Variants in MARCO observed in about 807,000 individuals in gnomAD.
The protein encoded by MARCO is macrophage receptor MARCO.
MARCO carries 72 observed loss-of-function variants against 70.0 expected under a neutral mutation model. That is an observed-to-expected ratio of 1.03 (90% CI 0.85 to 1.25). The LOEUF (loss-of-function observed/expected upper bound fraction) is 1.25. Ranked by LOEUF, MARCO falls within the 50% of genes most tolerant of loss-of-function variation. The probability of loss-of-function intolerance (pLI) is 0.00; values close to 1 mark genes in which losing one functional copy is unlikely to be tolerated. For missense variants in MARCO, 696 were observed against 659.3 expected, an observed-to-expected ratio of 1.06 and a Z score of -0.61; for synonymous variants, 273 against 243.1, an observed-to-expected ratio of 1.12 and a Z score of -1.14.
Position 118,981,671 on chromosome 2 carries a change from A to T in MARCO, c.901+15A>T, listed in dbSNP as rs1469844126. ...AGGAGATCAAGGTAAGAACTACAGG[A>T]ATCTGGGCATCATCCCAGCTACGAC... On this transcript the variant is annotated intron_variant, in intron 10 of 16. Transcript: ENST00000327097. The T allele has an allele frequency of 1.2e-6, 2 of 1,612,832 alleles. No homozygotes were observed. Among genetic ancestry groups the T allele is most frequent in the East Asian group, 4.5e-5 (2 of 44,872 alleles).
intron 1 of MARCO, among the ~76,000 whole-genome samples, chr2:118,957,239 C>T (rs1005554625): frequency 6.6e-6 from 1 of 151,818 alleles, no homozygotes; most frequent in African/African-American, 2.4e-5. Flanking sequence ...AGACCGTTAA[C>T]AAGATAAACG....
At chr2:118,988,265 G>T (rs925004471) in intron 12 of MARCO, among the ~76,000 whole-genome samples, 1 of 152,110 alleles carries the variant, frequency 6.6e-6, no homozygotes, top group African/African-American at 2.4e-5. Flanking sequence ...TGGACCTGGT[G>T]AACAGGGGCT....
At chr2:118,980,063 T>C (rs1286484172) in intron 8 of MARCO, among the ~76,000 whole-genome samples, 2 of 152,182 alleles carry the variant, frequency 1.3e-5, no homozygotes, top group African/African-American at 2.4e-5. Context: ...GTGGAAGTTA[T>C]AGCAACACAG....
intron 12 of MARCO, among the ~76,000 whole-genome samples, chr2:118,988,532 G>A (rs1370339635): frequency 2.6e-5 from 4 of 152,052 alleles, no homozygotes; most frequent in Admixed American, 2.0e-4. Flanking sequence ...CCCAGAGGGT[G>A]CCATGTTGCA....
At position 118,982,328 on chromosome 2, in the gene MARCO, C is replaced by T. The variant is rs1348171684; in HGVS notation, c.1001-20C>T. The T allele has an allele frequency of 1.9e-6, 3 of 1,613,660 alleles. No homozygotes were observed. Among genetic ancestry groups the T allele is most frequent in the African/African-American group, 2.7e-5 (2 of 74,874 alleles). On this transcript the variant is annotated intron_variant, in intron 11 of 16. Transcript: ENST00000327097. ...CTGCCTAGTCCAGCCCTTATGCTCT[C>T]TGTGGTGTCTGTTGTCCAGGACTTC...
chr2:118,983,848 A>C (rs1223245268), intron 12 of MARCO, among the ~76,000 whole-genome samples: 1 of 151,904 alleles, frequency 6.6e-6, no homozygotes, highest in African/African-American at 2.4e-5. Flanking sequence ...ACTAACCAAG[A>C]GTATTGGAGG....
At chr2:118,985,259 G>T (rs1680462163) in intron 12 of MARCO, among the ~76,000 whole-genome samples, 1 of 152,118 alleles carries the variant, frequency 6.6e-6, no homozygotes, top group Non-Finnish European at 1.5e-5. Context: ...TTTTATGGAA[G>T]AACGTAGAGT....
At chr2:118,953,525 T>G (rs1018792322) in intron 1 of MARCO, among the ~76,000 whole-genome samples, 2 of 152,220 alleles carry the variant, frequency 1.3e-5, no homozygotes, top group Non-Finnish European at 2.9e-5. Flanking sequence ...TATTTATTCA[T>G]TCGAAAAGTT....
At chr2:118,986,677 GAAAGAAAGAAA>G (rs1558671787) in intron 12 of MARCO, among the ~76,000 whole-genome samples, 925 of 40,280 alleles carry the variant, frequency 0.023, 18 homozygotes, top group Non-Finnish European at 0.031. Context: ...AGGAAGGAAA[GAAAGAAAGAAA>G]GAAAGAAAGA....
Position 118,994,584 on chromosome 2 carries a change from G to C in MARCO, c.*64G>C, listed in dbSNP as rs1352411236. On this transcript the variant is annotated 3_prime_UTR_variant, in exon 17 of 17. Transcript: ENST00000327097. Reference sequence around the variant, plus strand: ...TCGGGCTCATATGTGGGAAGGCAGAGGATCTCTGAGGAGTTCCCTGGGGAC... The same window carrying C: ...TCGGGCTCATATGTGGGAAGGCAGACGATCTCTGAGGAGTTCCCTGGGGAC... The C allele has an allele frequency of 1.2e-5, 18 of 1,480,714 alleles. No individual in the cohort carries two copies. Among genetic ancestry groups the C allele is most frequent in the East Asian group, 2.3e-5 (1 of 43,550 alleles). 91.7% of individuals were successfully genotyped at this position (1,480,714 alleles called of 1,614,324 possible).
intron 4 of MARCO, among the ~76,000 whole-genome samples, chr2:118,972,047 A>G (rs575518233): frequency 9.2e-5 from 14 of 152,124 alleles, no homozygotes; most frequent in African/African-American, 3.4e-4. Context: ...TGGCGGTGTG[A>G]CTCTGGGTCA....
chr2:118,953,577 T>A (rs769897284), intron 1 of MARCO, among the ~76,000 whole-genome samples: 3 of 152,186 alleles, frequency 2.0e-5, no homozygotes, highest in African/African-American at 7.2e-5. Context: ...GAGGCGGGAC[T>A]AGATTTCTGC....
chr2:118,986,168 C>T (rs964986785), intron 12 of MARCO, among the ~76,000 whole-genome samples: 2 of 152,140 alleles, frequency 1.3e-5, no homozygotes, highest in Admixed American at 1.3e-4. Flanking sequence ...GAGAGCTTTG[C>T]AGAAGTCTAC....
chr2:118,974,704 C>A, intron 6 of MARCO, 139 bp downstream of exon 6: 1 of 852,052 alleles, frequency 1.2e-6, no homozygotes, highest in Non-Finnish European at 1.8e-6. Context: ...GTGGGAGACC[C>A]CAGAGGGGAT....
rs1409613727 is a variant in MARCO at position 118,991,788 on chromosome 2, G to A, written c.1120G>A (p.Val374Met). 6.3e-7 allele frequency: 1 copy of A among 1,588,700 alleles called. No individual in the cohort carries two copies. Among genetic ancestry groups the A allele is most frequent in the East Asian group, 2.3e-5 (1 of 44,244 alleles). ...GTCTCTCCTTCCAGGCCCTGCAGGTGTGAAGGGAGAACAGGGGAGCCCAGG... is the reference window on the plus strand; with the variant it reads ...GTCTCTCCTTCCAGGCCCTGCAGGTATGAAGGGAGAACAGGGGAGCCCAGG... ...GESGVPGPAG[V>M]KGEQGSPGLA... Residue 374 changes from valine (V) to methionine (M), a missense_variant, in exon 14 of 17, where the codon GTG becomes ATG. By Grantham distance (21) the Val-to-Met change is conservative. This residue lies in a region of MARCO where 605 missense variants were observed against 537.6 expected (regional missense o/e 1.13). Coordinates refer to ENST00000327097, the MANE Select transcript of MARCO (RefSeq NM_006770.4).
intron 12 of MARCO, among the ~76,000 whole-genome samples, chr2:118,983,800 C>G (rs1415929037): frequency 6.6e-6 from 1 of 151,988 alleles, no homozygotes; most frequent in Non-Finnish European, 1.5e-5. Context: ...AGTAGTCACC[C>G]TCTGCCCCCA....
intron 8 of MARCO, among the ~76,000 whole-genome samples, chr2:118,980,077 C>T (rs954799837): frequency 1.3e-5 from 2 of 152,200 alleles, no homozygotes; most frequent in African/African-American, 2.4e-5. Context: ...AACACAGATG[C>T]AGGTCCAGAC....
chr2:118,976,559 T>C (rs1680287992), intron 6 of MARCO, among the ~76,000 whole-genome samples: 1 of 151,986 alleles, frequency 6.6e-6, no homozygotes, highest in Non-Finnish European at 1.5e-5. Context: ...ACCCAGCACC[T>C]CCAGTCTGTA....
intron 1 of MARCO, among the ~76,000 whole-genome samples, chr2:118,960,718 C>T (rs1679927164): frequency 6.6e-6 from 1 of 151,866 alleles, no homozygotes; most frequent in African/African-American, 2.4e-5. Context: ...CTTTTTTATG[C>T]AAGTTTTTTT....
Sources: allele counts gnomAD v4.1 joint callset (sites outside exome capture counted in the v4.1 genomes callset), GRCh38; gene constraint gnomAD v4.1.1; regional missense constraint gnomAD v4.1.1; transcripts MANE v1.5; gene names NCBI Gene and HGNC (gene_info 2026-07-23, HGNC 2026-07-21).